PDE3A: variants seen among roughly 807,000 people sequenced by gnomAD.
PDE3A encodes the protein phosphodiesterase 3A.
PDE3A carries 43 observed loss-of-function variants against 98.3 expected under a neutral mutation model. The observed-to-expected ratio is 0.44, with a 90% CI of 0.34 to 0.56. The LOEUF is 0.56. Among genes scored for constraint, PDE3A ranks in the 20% least tolerant of loss-of-function variants. PDE3A has a pLI of 0.01. For synonymous variants in PDE3A, 663 were observed against 567.9 expected, an observed-to-expected ratio of 1.17 and a Z score of -2.38; for missense variants, 1,427 against 1,440.7, an observed-to-expected ratio of 0.99 and a Z score of 0.15.
intron 14 of PDE3A, among the ~76,000 whole-genome samples, chr12:20,653,244 A>C (rs73082641): frequency 6.6e-6 from 1 of 152,310 alleles, no homozygotes; most frequent in South Asian, 2.1e-4. Context: ...TTAAAATTCA[A>C]ACAAAATCTG....
Position 20,616,216 on chromosome 12 carries a change from A to C in PDE3A, c.1270-14A>C. On this transcript the variant is annotated splice_polypyrimidine_tract_variant and intron_variant, in intron 3 of 15. Transcript: ENST00000359062. ...TAAAATATTCTGGGTAATGAAGTCA[A>C]GTCTCTTTCCTAGCGCCTGAGAAGG... 6.2e-7 allele frequency: 1 copy of C among 1,612,606 alleles called. No individual in the cohort carries two copies. Among genetic ancestry groups the C allele is most frequent in the Non-Finnish European group, 8.5e-7 (1 of 1,179,054 alleles).
chr12:20,586,333 CTTA>C (rs1943197661), intron 2 of PDE3A, among the ~76,000 whole-genome samples: 1 of 152,184 alleles, frequency 6.6e-6, no homozygotes, highest in Non-Finnish European at 1.5e-5. Context: ...ATACAGCACT[CTTA>C]TTATTTCTTC....
chr12:20,498,100 A>G (rs903237588), intron 1 of PDE3A, among the ~76,000 whole-genome samples: 5 of 152,296 alleles, frequency 3.3e-5, no homozygotes, highest in South Asian at 4.1e-4. Flanking sequence ...ACTATATCCT[A>G]TCATTTTTCC....
intron 1 of PDE3A, among the ~76,000 whole-genome samples, chr12:20,404,762 A>G (rs1003593600): frequency 6.8e-6 from 1 of 146,590 alleles, no homozygotes; most frequent in Non-Finnish European, 1.5e-5. Flanking sequence ...CATGATTCAT[A>G]TTCCTTGAGC....
chr12:20,509,411 A>G (rs1263023704), intron 1 of PDE3A, among the ~76,000 whole-genome samples: 1 of 152,144 alleles, frequency 6.6e-6, no homozygotes, highest in Non-Finnish European at 1.5e-5. Context: ...GGGTACCCCT[A>G]CATTAGTTTC....
chr12:20,482,248 A>T (rs968331852), intron 1 of PDE3A, among the ~76,000 whole-genome samples: 2 of 152,064 alleles, frequency 1.3e-5, no homozygotes, highest in Non-Finnish European at 2.9e-5. Flanking sequence ...TTCTGTAAAA[A>T]AAAAAAACCT....
chr12:20,370,017 G>A lies in PDE3A; in HGVS notation c.733G>A (p.Gly245Ser). The change falls in exon 1 of 16, where the codon GGC becomes AGC. Residue 245 changes from glycine to serine, a missense_variant. Transcript: ENST00000359062. ...GAGACCTTACCTGGCGTACCTGGCCGGCGTGCTGGGGATCCTCTTGGCCAG... is the reference window on the plus strand; with the variant it reads ...GAGACCTTACCTGGCGTACCTGGCCAGCGTGCTGGGGATCCTCTTGGCCAG... ...AWRPYLAYLA[G>S]VLGILLARYV... is the part of the protein sequence containing the mutation. The A allele has an allele frequency of 6.2e-6, 10 of 1,612,992 alleles. No homozygotes were observed. Among genetic ancestry groups the A allele is most frequent in the Non-Finnish European group, 8.5e-6 (10 of 1,179,948 alleles).
At chr12:20,658,826 C>T (rs1945098104) in intron 15 of PDE3A, among the ~76,000 whole-genome samples, 1 of 151,986 alleles carries the variant, frequency 6.6e-6, no homozygotes, top group Admixed American at 6.6e-5. Flanking sequence ...GAAGATTTAT[C>T]TATATTCCAG....
intron 15 of PDE3A, among the ~76,000 whole-genome samples, chr12:20,667,410 TCTTA>T (rs1386720920): frequency 6.6e-6 from 1 of 152,190 alleles, no homozygotes; most frequent in Non-Finnish European, 1.5e-5. Context: ...TAGTTTTTGG[TCTTA>T]CTTAAGTCTT....
chr12:20,537,308 A>G (rs998242036), intron 1 of PDE3A, among the ~76,000 whole-genome samples: 1 of 152,090 alleles, frequency 6.6e-6, no homozygotes, highest in African/African-American at 2.4e-5. Context: ...TTTCTGGTAT[A>G]AGTCTCATAT....
chr12:20,659,653 T>A lies in PDE3A; in HGVS notation c.3184+5448T>A, dbSNP rs147944808. On this transcript the variant is annotated intron_variant, in intron 15 of 15. Transcript: ENST00000359062. ...GACCTCACTATGTTTCCCAGGCTGGTTTGGAACCCCTGACGTCAAGTGATC... is the reference window on the plus strand; with the variant it reads ...GACCTCACTATGTTTCCCAGGCTGGATTGGAACCCCTGACGTCAAGTGATC... 3.0e-4 allele frequency among the ~76,000 whole-genome samples: 45 copies of A among 152,216 alleles called. No homozygotes were observed. In the East Asian group the frequency reaches 8.3e-3, roughly 28 times the overall value.
chr12:20,620,325 T>C (rs1944103218), intron 4 of PDE3A, among the ~76,000 whole-genome samples: 1 of 152,036 alleles, frequency 6.6e-6, no homozygotes, highest in African/African-American at 2.4e-5. Context: ...ACGTAAATTA[T>C]AGATTGTACC....
rs781398390 is a variant in PDE3A, at chr12:20,616,202, G to C, written c.1270-28G>C. 4.1e-5 allele frequency: 66 copies of C among 1,603,508 alleles called. No individual in the cohort carries two copies. The Middle Eastern group carries it at 6.7e-4, about 16-fold the overall frequency. ...AAATTTAAGAGATATAAAATATTCTGGGTAATGAAGTCAAGTCTCTTTCCT... is the reference window on the plus strand; with the variant it reads ...AAATTTAAGAGATATAAAATATTCTCGGTAATGAAGTCAAGTCTCTTTCCT... On this transcript the variant is annotated intron_variant, in intron 3 of 15. Coordinates refer to ENST00000359062, the MANE Select transcript of PDE3A (RefSeq NM_000921.5).
intron 1 of PDE3A, among the ~76,000 whole-genome samples, chr12:20,518,267 G>A (rs1044802068): frequency 6.6e-6 from 1 of 152,128 alleles, no homozygotes; most frequent in South Asian, 2.1e-4. Flanking sequence ...TTTTTTGCAT[G>A]AATATATAAA....
At chr12:20,418,536 G>T (rs1404791792) in intron 1 of PDE3A, among the ~76,000 whole-genome samples, 3 of 152,060 alleles carry the variant, frequency 2.0e-5, no homozygotes, top group Non-Finnish European at 4.4e-5. Context: ...ATTTAATGTG[G>T]TTATATTTTT....
chr12:20,430,623 C>T (rs1273059599), intron 1 of PDE3A, among the ~76,000 whole-genome samples: 2 of 152,066 alleles, frequency 1.3e-5, no homozygotes, highest in Non-Finnish European at 2.9e-5. Context: ...ATTTGCAAAA[C>T]CATGAAAGTG....
intron 2 of PDE3A, among the ~76,000 whole-genome samples, chr12:20,581,106 G>T (rs1943051382): frequency 6.6e-6 from 1 of 152,122 alleles, no homozygotes. Context: ...GCAGAAGACA[G>T]TTCTTTCTAA....
intron 1 of PDE3A, among the ~76,000 whole-genome samples, chr12:20,543,653 T>C (rs1419902237): frequency 1.3e-5 from 2 of 152,024 alleles, no homozygotes; most frequent in Non-Finnish European, 2.9e-5. Context: ...ATTCTATAAA[T>C]TGTGTTTTGG....
intron 1 of PDE3A, among the ~76,000 whole-genome samples, chr12:20,395,345 T>C (rs1943990038): frequency 6.6e-6 from 1 of 151,854 alleles, no homozygotes; most frequent in South Asian, 2.1e-4. Context: ...GGTAGCATAG[T>C]ATTTATATGG....
Sources: gnomAD v4.1 joint callset for allele counts (sites outside exome capture counted in the v4.1 genomes callset) on GRCh38, gnomAD v4.1.1 for gene constraint, MANE v1.5 for transcripts, NCBI Gene and HGNC (gene_info 2026-07-23, HGNC 2026-07-21) for gene names.